Variants in LNPEP observed in about 807,000 individuals in gnomAD.
The protein encoded by LNPEP is leucyl and cystinyl aminopeptidase.
Under a neutral mutation model 120.6 loss-of-function variants are expected in LNPEP, and 64 were observed. That is an observed-to-expected ratio of 0.53 (90% CI 0.43 to 0.65). The LOEUF is 0.65. Among genes scored for constraint, LNPEP ranks in the 30% least tolerant of loss-of-function variants. The probability of loss-of-function intolerance (pLI) is 0.00; values close to 1 mark genes in which losing one functional copy is unlikely to be tolerated. For missense variants in LNPEP, 1,057 were observed against 1,200.0 expected (o/e 0.88, Z 1.76); for synonymous variants, 435 against 425.4 (o/e 1.02, Z -0.28).
At chr5:96,950,710 A>G (rs1789299433) in intron 1 of LNPEP, among the ~76,000 whole-genome samples, 1 of 152,238 alleles carries the variant, frequency 6.6e-6, no homozygotes, top group African/African-American at 2.4e-5. Flanking sequence ...ATGTTAATCA[A>G]AGGTTAAAAA....
At chr5:96,970,876 TA>T (rs1202562579) in intron 1 of LNPEP, among the ~76,000 whole-genome samples, 1 of 152,058 alleles carries the variant, frequency 6.6e-6, no homozygotes, top group East Asian at 1.9e-4. Flanking sequence ...ATACAGTTTT[TA>T]AAGATAGTCT....
chr5:96,969,266 T>A lies in LNPEP; in HGVS notation c.20-9872T>A, dbSNP rs565846120. 1.3e-4 allele frequency among the ~76,000 whole-genome samples: 20 copies of A among 151,826 alleles called. No individual in the cohort carries two copies. The South Asian group carries it at 4.0e-3, about 30-fold the overall frequency. ...TAAGAATGCTTGCTTTTTTTTTTTT[T>A]AACTTTTGATGAGCTCATAAGAAGT... is the stretch of plus-strand genomic sequence containing the variant. On this transcript the variant is annotated intron_variant, in intron 1 of 17. Transcript: ENST00000231368.
At chr5:97,013,928 A>G (rs1582028512) in intron 12 of LNPEP, 97 bp downstream of exon 12, 2 of 877,268 alleles carry the variant, frequency 2.3e-6, no homozygotes, top group Non-Finnish European at 1.7e-6. Context: ...ACTAGCATGT[A>G]TTGGTTGGTA....
At chr5:96,938,150 A>C (rs1383096379) in intron 1 of LNPEP, among the ~76,000 whole-genome samples, 1 of 152,248 alleles carries the variant, frequency 6.6e-6, no homozygotes, top group East Asian at 1.9e-4. Flanking sequence ...GGATTGCTGT[A>C]GAATTTTCTA....
intron 1 of LNPEP, among the ~76,000 whole-genome samples, chr5:96,951,459 T>C (rs1789322658): frequency 6.6e-6 from 1 of 152,154 alleles, no homozygotes; most frequent in African/African-American, 2.4e-5. Flanking sequence ...GGGGTTTCAC[T>C]GTGTTAGCCA....
chr5:97,034,083 TC>T lies in LNPEP; in HGVS notation c.*5552del, dbSNP rs1307933869. 1.3e-5 allele frequency: 2 copies of T among 152,102 alleles called. No homozygotes were observed. Among genetic ancestry groups the T allele is most frequent in the Non-Finnish European group, 1.5e-5 (1 of 68,006 alleles). The allele number at this position is 152,102 out of a possible 1,614,324, so 9.4% of individuals were successfully genotyped here. A position where few individuals can be genotyped will look rare whatever the true frequency, so the allele number is the denominator to read the frequency against. ...ACGGGTACCTAATGAAACGTGGAGG[TC>T]CGGATGTATGAAAATCTCCTCTTTT... On this transcript the variant is annotated 3_prime_UTR_variant, in exon 18 of 18. Coordinates refer to ENST00000231368, the MANE Select transcript of LNPEP (RefSeq NM_005575.3).
intron 2 of LNPEP, among the ~76,000 whole-genome samples, chr5:96,984,414 G>A (rs1790194872): frequency 6.6e-6 from 1 of 152,078 alleles, no homozygotes. Context: ...CAGGTGCTGG[G>A]GTGATTACCC....
chr5:96,972,852 C>G (rs989278054), intron 1 of LNPEP, among the ~76,000 whole-genome samples: 5 of 152,056 alleles, frequency 3.3e-5, no homozygotes, highest in African/African-American at 7.2e-5. Flanking sequence ...CCTCAGTCAT[C>G]CATTTACTTT....
intron 8 of LNPEP, 125 bp from the exon 9 acceptor site, chr5:97,003,290 T>C: frequency 3.5e-6 from 2 of 574,182 alleles, no homozygotes; most frequent in Non-Finnish European, 6.0e-6. Context: ...CAGTATATTA[T>C]AACTAAGTTC....
rs1288857352 is a variant in LNPEP at position 97,029,835 on chromosome 5, C to T, written c.*1302C>T. 6.6e-6 allele frequency: 1 copy of T among 152,108 alleles called. No homozygotes were observed. The highest frequency in any genetic ancestry group is 2.4e-5 in the African/African-American group (1 of 41,430). 9.4% of individuals were successfully genotyped at this position (152,108 alleles called of 1,614,324 possible). A position where few individuals can be genotyped will look rare whatever the true frequency, so the allele number is the denominator to read the frequency against. ...GTCCGAAACTGTATGGCATTTTACT[C>T]CTTCTGAAAGAGAAATACTGTACTT... On this transcript the variant is annotated 3_prime_UTR_variant, in exon 18 of 18. Transcript: ENST00000231368.
At chr5:97,007,473 C>G (rs1790813851) in intron 11 of LNPEP, among the ~76,000 whole-genome samples, 1 of 152,168 alleles carries the variant, frequency 6.6e-6, no homozygotes, top group African/African-American at 2.4e-5. Flanking sequence ...GCACCTAGAA[C>G]AATGCCTGGC....
At chr5:96,992,845 C>G (rs1411770739) in intron 4 of LNPEP, among the ~76,000 whole-genome samples, 170 bp from the exon 5 acceptor site, 1 of 152,038 alleles carries the variant, frequency 6.6e-6, no homozygotes, top group East Asian at 1.9e-4. Flanking sequence ...GTGGAAGGGA[C>G]TTGGTAAACT....
rs181443873 is a variant in LNPEP, at chr5:96,951,655, C to T, written c.19+15481C>T. ...AGTCTTCACTTTAGACAGTTTCTTTCTGTGAACCTCAGGATAAAGAAAATT... is the reference window on the plus strand; with the variant it reads ...AGTCTTCACTTTAGACAGTTTCTTTTTGTGAACCTCAGGATAAAGAAAATT... On this transcript the variant is annotated intron_variant, in intron 1 of 17. Coordinates refer to ENST00000231368, the MANE Select transcript of LNPEP (RefSeq NM_005575.3). Among the ~76,000 whole-genome samples, 42 of 152,258 alleles carry T rather than the reference C, an allele frequency of 2.8e-4. No homozygotes were observed. In the East Asian group the frequency reaches 7.7e-3, roughly 28 times the overall value.
At chr5:96,971,783 G>C (rs928722587) in intron 1 of LNPEP, among the ~76,000 whole-genome samples, 7 of 151,844 alleles carry the variant, frequency 4.6e-5, no homozygotes, top group Middle Eastern at 3.4e-3. Flanking sequence ...TCCCCACGGA[G>C]AGTCTCATCT....
chr5:97,006,305 A>G (rs1790780870), intron 10 of LNPEP, 72 bp downstream of exon 10: 1 of 1,407,438 alleles, frequency 7.1e-7, no homozygotes, highest in Non-Finnish European at 9.9e-7. Context: ...GTGTTTTATA[A>G]TCATAAGTTC....
chr5:97,027,156 A>G (rs1791361142), intron 16 of LNPEP, among the ~76,000 whole-genome samples: 1 of 152,174 alleles, frequency 6.6e-6, no homozygotes, highest in African/African-American at 2.4e-5. Flanking sequence ...GATCGAGACC[A>G]TCCTGGCTAA....
chr5:96,988,360 C>CA (rs1790292141), intron 4 of LNPEP, among the ~76,000 whole-genome samples: 2 of 97,030 alleles, frequency 2.1e-5, no homozygotes. Flanking sequence ...TTTTTTGAGA[C>CA]AGAGTCTCGC....
At chr5:96,954,299 T>C (rs1341524194) in intron 1 of LNPEP, among the ~76,000 whole-genome samples, 4 of 152,164 alleles carry the variant, frequency 2.6e-5, no homozygotes, top group Non-Finnish European at 5.9e-5. Context: ...GTAGATGATA[T>C]ACCTACCCAT....
intron 5 of LNPEP, among the ~76,000 whole-genome samples, 179 bp downstream of exon 5, chr5:96,993,314 A>C (rs1306086388): frequency 6.6e-6 from 1 of 152,114 alleles, no homozygotes; most frequent in Non-Finnish European, 1.5e-5. Context: ...ATATATCTGA[A>C]GTTGGAGCTT....
Sources: gnomAD v4.1 joint callset for allele counts (sites outside exome capture counted in the v4.1 genomes callset) on GRCh38, gnomAD v4.1.1 for gene constraint, MANE v1.5 for transcripts, NCBI Gene and HGNC (gene_info 2026-07-23, HGNC 2026-07-21) for gene names.